Variants in MFN2 observed in about 807,000 individuals in gnomAD.
MFN2 encodes mitofusin 2.
In MFN2, 43 loss-of-function variants were observed where a neutral mutation model predicts 87.5. That is an observed-to-expected ratio of 0.49 (90% confidence interval 0.38 to 0.63). The LOEUF is 0.63. Among genes scored for constraint, MFN2 ranks in the 30% least tolerant of loss-of-function variants. MFN2 has a pLI of 0.00. For synonymous variants in MFN2, 337 were observed against 359.9 expected (o/e 0.94, Z 0.72); for missense variants, 743 against 972.8 (o/e 0.76, Z 3.14).
rs752630853 is a variant in MFN2, at chr1:12,002,089, G to A, written c.1146G>A (p.Ala382=). ...VRLIMDSLHM[A]AREQQVYCEE... is the part of the protein sequence containing the mutation. Reference sequence around the variant, plus strand: ...TCATCATGGACTCCCTGCACATGGCGGCTCGGGAGCAGCAGTAAGAGTCCA... The same window carrying A: ...TCATCATGGACTCCCTGCACATGGCAGCTCGGGAGCAGCAGTAAGAGTCCA... Residue 382 remains alanine (A), a synonymous_variant, in exon 11 of 19, where the codon GCG becomes GCA. Transcript: ENST00000235329. 39 of 1,614,120 alleles carry A rather than the reference G, an allele frequency of 2.4e-5. No homozygotes were observed. Among genetic ancestry groups the A allele is most frequent in the Middle Eastern group, 1.6e-4 (1 of 6,084 alleles).
At chr1:11,992,400 C>T (rs1316803448) in intron 3 of MFN2, 155 bp from the exon 4 acceptor site, 6 of 911,650 alleles carry the variant, frequency 6.6e-6, no homozygotes, top group Non-Finnish European at 1.1e-5. Flanking sequence ...CACCGTGGGG[C>T]CACCATAGAG....
intron 2 of MFN2, 114 bp downstream of exon 2, chr1:11,982,228 C>T (rs928468659): frequency 9.2e-5 from 14 of 152,178 alleles, no homozygotes; most frequent in African/African-American, 3.4e-4. Context: ...TGTATAGAGC[C>T]ACAGCTTTCT....
chr1:11,999,283 T>A (rs2100833284), intron 8 of MFN2, among the ~76,000 whole-genome samples, 188 bp downstream of exon 8: 1 of 152,296 alleles, frequency 6.6e-6, no homozygotes, highest in South Asian at 2.1e-4. Flanking sequence ...CTTTGCTGGA[T>A]GCACCCCCTC....
At chr1:11,997,083 C>G (rs1638943553) in intron 5 of MFN2, among the ~76,000 whole-genome samples, 1 of 150,364 alleles carries the variant, frequency 6.7e-6, no homozygotes, top group Admixed American at 6.6e-5. Context: ...GAACAGATGA[C>G]TTTAGGGTGA....
At chr1:12,000,764 G>A (rs1639134665) in intron 8 of MFN2, among the ~76,000 whole-genome samples, 1 of 152,202 alleles carries the variant, frequency 6.6e-6, no homozygotes, top group South Asian at 2.1e-4. Flanking sequence ...ATAGGTCCCA[G>A]ATTTAGGTTT....
In MFN2 at chr1:12,005,771, G is replaced by T; in HGVS notation, c.1556G>T (p.Arg519Leu). The change falls in exon 15 of 19, where the codon CGC becomes CTC. Residue 519 changes from arginine (R) to leucine (L), a missense_variant. By Grantham distance (102) the Arg-to-Leu change is moderately radical. This residue lies in a region of MFN2 where 571 missense variants were observed against 670.7 expected (regional missense o/e 0.85). Coordinates refer to ENST00000235329, the MANE Select transcript of MFN2 (RefSeq NM_014874.4). ...VRSQIDMLVP[R>L]QCFSLNYDLN... The stretch of plus-strand genomic sequence containing the variant: ...AGTCAGATAGACATGCTGGTCCCAC[G>T]CCAGTGCTTCTCCCTCAACTATGAC... 6.2e-7 allele frequency: 1 copy of T among 1,614,170 alleles called. No homozygotes were observed. The highest frequency in any genetic ancestry group is 8.5e-7 in the Non-Finnish European group (1 of 1,180,038).
At chr1:11,982,435 T>C (rs1451617182) in intron 2 of MFN2, 1 of 152,242 alleles carries the variant, frequency 6.6e-6, no homozygotes, top group African/African-American at 2.4e-5. Flanking sequence ...GGTTGGCTCC[T>C]TGTCACTGCT....
At chr1:12,001,700 T>G in intron 9 of MFN2, 69 bp from the exon 10 acceptor site, 1 of 1,605,336 alleles carries the variant, frequency 6.2e-7, no homozygotes, top group Non-Finnish European at 8.5e-7. Flanking sequence ...GTGGCTTGGT[T>G]TCTGGGGATT....
rs1328122848 is a variant in MFN2 at position 11,997,503 on chromosome 1, T to C, written c.599+82T>C. 6 of 1,587,896 alleles carry C rather than the reference T, an allele frequency of 3.8e-6. No individual in the cohort carries two copies. In the East Asian group the frequency reaches 1.1e-4, roughly 30 times the overall value. ...TCTGGATAATCTAGGCCAGGGTCCCTGGGCCCCATCCTTGCTCTGCTTAAG... is the reference window on the plus strand; with the variant it reads ...TCTGGATAATCTAGGCCAGGGTCCCCGGGCCCCATCCTTGCTCTGCTTAAG... On this transcript the variant is annotated intron_variant, in intron 6 of 18. Transcript: ENST00000235329.
At chr1:11,999,386 A>G (rs1310015472) in intron 8 of MFN2, among the ~76,000 whole-genome samples, 1 of 152,188 alleles carries the variant, frequency 6.6e-6, no homozygotes. Context: ...AGGAATTAAT[A>G]CAGAACAGGC....
intron 3 of MFN2, among the ~76,000 whole-genome samples, chr1:11,991,533 G>C (rs1638673922): frequency 6.6e-6 from 1 of 152,202 alleles, no homozygotes; most frequent in Non-Finnish European, 1.5e-5. Context: ...TGGAGCCAGA[G>C]GGCCGAGGAA....
At chr1:12,008,897 C>T (rs1425573486) in intron 17 of MFN2, among the ~76,000 whole-genome samples, 2 of 152,234 alleles carry the variant, frequency 1.3e-5, no homozygotes, top group Admixed American at 6.5e-5. Flanking sequence ...GATCATGCCA[C>T]TGCCTGGGCA....
chr1:12,011,387 G>A, intron 18 of MFN2, 109 bp from the exon 19 acceptor site: 1 of 1,115,528 alleles, frequency 9.0e-7, no homozygotes, highest in Non-Finnish European at 1.4e-6. Flanking sequence ...GATTGTTGGA[G>A]GATGATGTAA....
intron 11 of MFN2, among the ~76,000 whole-genome samples, chr1:12,002,798 C>T (rs1253546932): frequency 2.0e-5 from 3 of 152,238 alleles, no homozygotes; most frequent in Non-Finnish European, 4.4e-5. Flanking sequence ...TTCTTTTGCA[C>T]TTGTCCCAGT....
At chr1:12,006,742 C>T (rs761200656) in intron 16 of MFN2, 49 bp downstream of exon 16, 13 of 821,148 alleles carry the variant, frequency 1.6e-5, no homozygotes, top group African/African-American at 9.0e-5. Context: ...GGCAGGTGGG[C>T]GGGGCCTGAG....
chr1:11,984,884 C>T (rs904027199), intron 2 of MFN2, among the ~76,000 whole-genome samples: 2 of 152,234 alleles, frequency 1.3e-5, no homozygotes, highest in African/African-American at 4.8e-5. Context: ...TTATCTGTAT[C>T]CTTTGCGATA....
Position 12,005,939 on chromosome 1 carries a change from A to G in MFN2, c.1716+8A>G, listed in dbSNP as rs1639390139. ...ATGGGCTACAATGACCAGGCAAGCA[A>G]AGTTCCTCACCTCAAGGGCATTGTG... On this transcript the variant is annotated splice_region_variant and intron_variant, in intron 15 of 18. Transcript: ENST00000235329. 17 of 1,612,756 alleles carry G rather than the reference A, an allele frequency of 1.1e-5. No homozygotes were observed. The East Asian group carries it at 3.6e-4, about 34-fold the overall frequency.
At chr1:11,997,110 T>A (rs1638944868) in intron 5 of MFN2, among the ~76,000 whole-genome samples, 187 bp from the exon 6 acceptor site, 1 of 151,132 alleles carries the variant, frequency 6.6e-6, no homozygotes. Context: ...GGAAAGAAGC[T>A]CAAAAGAGCA....
At chr1:11,981,155 G>C (rs1645977159) in intron 1 of MFN2, among the ~76,000 whole-genome samples, 1 of 152,150 alleles carries the variant, frequency 6.6e-6, no homozygotes. Flanking sequence ...CTGGTTATCC[G>C]CCTCTGGTGT....
Sources: allele counts gnomAD v4.1 joint callset (sites outside exome capture counted in the v4.1 genomes callset), GRCh38; gene constraint gnomAD v4.1.1; regional missense constraint gnomAD v4.1.1; transcripts MANE v1.5; gene names NCBI Gene and HGNC (gene_info 2026-07-23, HGNC 2026-07-21).